The following ABCA7 variants were observed in gnomAD, a reference collection of about 807,000 sequenced individuals.
ABCA7 encodes the protein phospholipid-transporting ATPase ABCA7.
In ABCA7, 261 loss-of-function variants were observed where a neutral mutation model predicts 227.6. That is an observed-to-expected ratio of 1.15 (90% confidence interval 1.04 to 1.27). The LOEUF is 1.27. ABCA7 is among the 50% of genes most tolerant of loss of function. ABCA7 has a pLI of 0.00. For synonymous variants in ABCA7, 1,488 were observed against 1,279.7 expected, an observed-to-expected ratio of 1.16 and a Z score of -3.47; for missense variants, 3,331 against 2,924.5, an observed-to-expected ratio of 1.14 and a Z score of -3.21.
rs571663282 is a variant in ABCA7, at chr19:1,061,830, C to T, written c.5512C>T (p.Arg1838Cys). The change falls in exon 41 of 47, where the codon CGC (arginine) becomes TGC (cysteine). Residue 1838 changes from arginine (R) to cysteine (C), a missense_variant. Transcript: ENST00000263094. Reference protein sequence around the residue: ...VNGAGKTSTFRMVTGDTLASR... With the variant: ...VNGAGKTSTFCMVTGDTLASR... ...TGGAGCAGGGAAGACGTCCACGTTT[C>T]GCATGGTGACGGGGGACACATTGGC... The T allele has an allele frequency of 1.9e-6, 3 of 1,609,732 alleles. No individual in the cohort carries two copies. The highest frequency in any genetic ancestry group is 1.7e-5 in the Admixed American group (1 of 59,100).
intron 25 of ABCA7, 43 bp downstream of exon 25, chr19:1,053,879 G>A (rs760256362): frequency 6.3e-7 from 1 of 1,598,362 alleles, no homozygotes; most frequent in Non-Finnish European, 8.5e-7. Context: ...GTCCAGAGTG[G>A]GACCAGAGGC....
chr19:1,054,693 A>G lies in ABCA7; in HGVS notation c.3850A>G (p.Ser1284Gly), dbSNP rs755498915. The G allele has an allele frequency of 8.7e-6, 14 of 1,612,280 alleles. No homozygotes were observed. Among genetic ancestry groups the G allele is most frequent in the Middle Eastern group, 1.6e-4 (1 of 6,080 alleles). ...TMYGAQVSFFSEDAPGDPGRA... is the reference protein window; with the variant it reads ...TMYGAQVSFFGEDAPGDPGRA... The stretch of plus-strand genomic sequence containing the variant: ...GTACGGTGCTCAGGTGTCCTTCTTC[A>G]GGTGGGTGCAGAAGGAAGGGGCTGG... The change falls in exon 28 of 47, where the codon AGT (serine) becomes GGT (glycine). Residue 1284 changes from serine (S) to glycine (G), a missense_variant and splice_region_variant. Coordinates refer to ENST00000263094, the MANE Select transcript of ABCA7 (RefSeq NM_019112.4). The surrounding 1 kb of genome is among the most constrained non-coding windows in gnomAD (Gnocchi z 4.8).
intron 16 of ABCA7, among the ~76,000 whole-genome samples, chr19:1,048,041 C>T (rs1202509328): frequency 1.3e-5 from 2 of 151,660 alleles, no homozygotes; most frequent in African/African-American, 2.4e-5. Context: ...GTTAGCTGGG[C>T]GTGGTGGCAC....
Position 1,056,112 on chromosome 19 carries a change from G to A in ABCA7, c.4285G>A (p.Gly1429Ser). The change falls in exon 32 of 47, where the codon GGC becomes AGC. Residue 1429 changes from glycine (G) to serine (S), a missense_variant. Gly to Ser is a moderately conservative substitution (Grantham distance 56). Coordinates refer to ENST00000263094, the MANE Select transcript of ABCA7 (RefSeq NM_019112.4). This position sits in a 1 kb window ranked among gnomAD's most constrained non-coding sequence, Gnocchi z 4.3. ...GGGCCGAGACCCAGGCCTGCCCTCG[G>A]GCCAAGAGTTGGGCCGCTCAGTGGA... ...LGGRDPGLPS[G>S]QELGRSVEEL... The A allele has an allele frequency of 6.2e-7, 1 of 1,607,882 alleles. No homozygotes were observed. The highest frequency in any genetic ancestry group is 8.5e-7 in the Non-Finnish European group (1 of 1,177,490).
At chr19:1,040,231 A>G (rs1449291843) in intron 1 of ABCA7, 35 bp downstream of exon 1, 2 of 152,170 alleles carry the variant, frequency 1.3e-5, no homozygotes, top group East Asian at 3.9e-4. Context: ...AAGGCCCGAG[A>G]CTCGAGAATG....
Position 1,058,197 on chromosome 19 carries a change from C to T in ABCA7, c.5077C>T (p.His1693Tyr), listed in dbSNP as rs768942416. 7 of 1,613,598 alleles carry T rather than the reference C, an allele frequency of 4.3e-6. No individual in the cohort carries two copies. In the African/African-American group the frequency reaches 9.4e-5, roughly 22 times the overall value. ...ILKQVFLIFP[H>Y]FCLGRGLIDM... ...GAAACAGGTCTTCCTTATCTTCCCC[C>T]ACTTCTGCTTGGGCCGGGGGCTCAT... The change falls in exon 37 of 47, where the codon CAC becomes TAC. Residue 1693 changes from histidine to tyrosine, a missense_variant. Coordinates refer to ENST00000263094, the MANE Select transcript of ABCA7 (RefSeq NM_019112.4).
At chr19:1,049,113 A>C in intron 17 of ABCA7, 108 bp downstream of exon 17, 1 of 1,022,128 alleles carries the variant, frequency 9.8e-7, no homozygotes, top group Non-Finnish European at 1.5e-6. Context: ...CCCAACCCTC[A>C]CACCTGCCCT....
chr19:1,041,565 C>G lies in ABCA7; in HGVS notation c.122C>G (p.Ala41Gly), dbSNP rs2040039878. ...WPLFLFFILVAVRHSHPPLEH... is the reference protein window; with the variant it reads ...WPLFLFFILVGVRHSHPPLEH... ...CTCTTCCTCTTCTTCATCCTGGTGG[C>G]TGTTCGCCACTCCCACCCGCCCCTG... The change falls in exon 3 of 47, where the codon GCT becomes GGT. Residue 41 changes from alanine to glycine, a missense_variant. Transcript: ENST00000263094. The G allele has an allele frequency of 6.2e-7, 1 of 1,612,936 alleles. No individual in the cohort carries two copies. Among genetic ancestry groups the G allele is most frequent in the African/African-American group, 1.3e-5 (1 of 74,924 alleles).
chr19:1,045,104 T>G lies in ABCA7; in HGVS notation c.1318T>G (p.Phe440Val). The G allele has an allele frequency of 6.2e-7, 1 of 1,612,936 alleles. No homozygotes were observed. Among genetic ancestry groups the G allele is most frequent in the Non-Finnish European group, 8.5e-7 (1 of 1,179,978 alleles). ...AEHRFWAGVV[F>V]LGPEDSSDPT... is the part of the protein sequence containing the mutation. ...ACATCGATTCTGGGCCGGCGTCGTC[T>G]TCTTGGGACCTGAGGACTCTTCAGA... The change falls in exon 12 of 47, where the codon TTC (phenylalanine) becomes GTC (valine). Residue 440 changes from phenylalanine (F) to valine (V), a missense_variant. Transcript: ENST00000263094.
Position 1,056,320 on chromosome 19 carries a change from C to A in ABCA7, c.4417-10C>A. 1 of 1,605,676 alleles carries A rather than the reference C, an allele frequency of 6.2e-7. No homozygotes were observed. Among genetic ancestry groups the A allele is most frequent in the South Asian group, 1.1e-5 (1 of 91,016 alleles). The stretch of plus-strand genomic sequence containing the variant: ...ATTGCTCTGACCCTATGACCTTGAC[C>A]CCCACCCAGATCTGGTTCAACAACA... On this transcript the variant is annotated splice_polypyrimidine_tract_variant and intron_variant, in intron 32 of 46. Coordinates refer to ENST00000263094, the MANE Select transcript of ABCA7 (RefSeq NM_019112.4). The surrounding 1 kb of genome is among the most constrained non-coding windows in gnomAD (Gnocchi z 4.3).
chr19:1,060,208 T>TATATATATATATATATATATA (rs1555699222), intron 40 of ABCA7, among the ~76,000 whole-genome samples: 28 of 118,740 alleles, frequency 2.4e-4, no homozygotes, highest in African/African-American at 1.0e-3. Flanking sequence ...TATATATATA[T>TATATATATATATATATATATA]TTTTTTTTCT....
chr19:1,054,835 G>T lies in ABCA7; in HGVS notation c.3907G>T (p.Glu1303Ter). The T allele has an allele frequency of 6.4e-7, 1 of 1,570,244 alleles. No homozygotes were observed. Among genetic ancestry groups the T allele is most frequent in the South Asian group, 1.2e-5 (1 of 86,532 alleles). Reference sequence around the variant, plus strand: ...CCGGCTGCTCGAGGCGCTGCTGCAGGAGGCAGGACTGGAGGAGCCCCCAGT... The same window carrying T: ...CCGGCTGCTCGAGGCGCTGCTGCAGTAGGCAGGACTGGAGGAGCCCCCAGT... ...RARLLEALLQ[E>*]AGLEEPPVQH... The change falls in exon 29 of 47, where the codon GAG becomes TAG. Residue 1303 changes from glutamate (E) to a stop codon, truncating the protein, a stop_gained. Transcript: ENST00000263094. LOFTEE classifies it high-confidence loss of function. The surrounding 1 kb of genome is among the most constrained non-coding windows in gnomAD (Gnocchi z 4.8).
rs1021180247 is a variant in ABCA7 at position 1,059,038 on chromosome 19, A to G, written c.5416A>G (p.Arg1806Gly). The G allele has an allele frequency of 6.2e-7, 1 of 1,613,882 alleles. No homozygotes were observed. The highest frequency in any genetic ancestry group is 8.5e-7 in the Non-Finnish European group (1 of 1,179,974). The change falls in exon 40 of 47, where the codon AGG becomes GGG. Residue 1806 changes from arginine to glycine, a missense_variant. Arg to Gly is a moderately radical substitution (Grantham distance 125). Coordinates refer to ENST00000263094, the MANE Select transcript of ABCA7 (RefSeq NM_019112.4). The part of the protein sequence containing the change: ...RNLTKVYRGQ[R>G]MPAVDRLCLG... ...ACTCTCCCAGGTATACCGTGGGCAG[A>G]GGATGCCAGCTGTTGACCGCTTGTG...
At chr19:1,042,510 C>T in intron 6 of ABCA7, 113 bp downstream of exon 6, 5 of 1,353,728 alleles carry the variant, frequency 3.7e-6, no homozygotes, top group Non-Finnish European at 5.2e-6. Context: ...CAGGCTGTCC[C>T]TGGTCTCTGC....
rs755819809 is a variant in ABCA7, at chr19:1,064,179, G to C, written c.5970G>C (p.Ala1990=). 2 of 1,576,062 alleles carry C rather than the reference G, an allele frequency of 1.3e-6. No homozygotes were observed. Among genetic ancestry groups the C allele is most frequent in the Non-Finnish European group, 1.7e-6 (2 of 1,162,546 alleles). ...LTSHSMEECE[A]LCSRLAIMVN... is the part of the protein sequence containing the mutation. ...CCGACAGCATGGAGGAGTGTGAAGC[G>C]CTCTGCTCGCGCCTGGCCATCATGG... The change falls in exon 45 of 47, where the codon GCG becomes GCC. Residue 1990 remains alanine, a synonymous_variant. Transcript: ENST00000263094.
At chr19:1,045,395 G>C in intron 12 of ABCA7, 164 bp downstream of exon 12, 1 of 722,460 alleles carries the variant, frequency 1.4e-6, no homozygotes, top group East Asian at 2.7e-5. Flanking sequence ...AGACCAATAG[G>C]GGCCCGTGAT....
chr19:1,061,798 G>A lies in ABCA7; in HGVS notation c.5480G>A (p.Gly1827Asp). The change falls in exon 41 of 47, where the codon GGT becomes GAT. Residue 1827 changes from glycine to aspartate, a missense_variant. Coordinates refer to ENST00000263094, the MANE Select transcript of ABCA7 (RefSeq NM_019112.4). ...TCCCTGTAGTGTTTTGGGCTGCTGG[G>A]TGTGAATGGAGCAGGGAAGACGTCC... is the stretch of plus-strand genomic sequence containing the variant. ...IPPGECFGLL[G>D]VNGAGKTSTF... 1.2e-6 allele frequency: 2 copies of A among 1,613,320 alleles called. No homozygotes were observed. The highest frequency in any genetic ancestry group is 1.7e-6 in the Non-Finnish European group (2 of 1,179,620).
chr19:1,045,422 C>T, intron 12 of ABCA7, 191 bp downstream of exon 12: 2 of 626,934 alleles, frequency 3.2e-6, no homozygotes, highest in East Asian at 2.8e-5. Flanking sequence ...GGCCTAGGTG[C>T]ATGAGGGGCG....
intron 12 of ABCA7, 131 bp downstream of exon 12, chr19:1,045,362 G>A: frequency 2.1e-6 from 2 of 967,900 alleles, no homozygotes; most frequent in South Asian, 3.3e-5. Context: ...CAGTGGTATG[G>A]TAGCCAGAGC....
Sources: gnomAD v4.1 joint callset for allele counts (sites outside exome capture counted in the v4.1 genomes callset) on GRCh38, gnomAD v4.1.1 for gene constraint, Gnocchi (gnomAD v3.1) non-coding constraint, MANE v1.5 for transcripts, NCBI Gene and HGNC (gene_info 2026-07-23, HGNC 2026-07-21) for gene names.